METTL2B: variants seen among roughly 807,000 people sequenced by gnomAD.
METTL2B encodes the protein methyltransferase 2B, tRNA N3-cytidine.
Under a neutral mutation model 51.0 loss-of-function variants are expected in METTL2B, and 28 were observed. That is an observed-to-expected ratio of 0.55 (90% CI 0.41 to 0.75). The LOEUF is 0.75. Ranked by LOEUF, METTL2B falls within the 30% of genes least tolerant of loss-of-function variation. METTL2B has a pLI of 0.00. For missense variants in METTL2B, 313 were observed against 460.7 expected (o/e 0.68, Z 2.93); for synonymous variants, 128 against 166.3 (o/e 0.77, Z 1.77).
rs1313427374 is a variant in METTL2B at position 128,504,075 on chromosome 7, G to A, written c.*2159G>A. The A allele has an allele frequency of 6.6e-6, 1 of 152,140 alleles. No homozygotes were observed. The highest frequency in any genetic ancestry group is 2.4e-5 in the African/African-American group (1 of 41,424). The allele number at this position is 152,140 out of a possible 1,614,324, so 9.4% of individuals were successfully genotyped here. A position where few individuals can be genotyped will look rare whatever the true frequency, so the allele number is the denominator to read the frequency against. On this transcript the variant is annotated 3_prime_UTR_variant, in exon 9 of 9. Transcript: ENST00000262432. ...AATAATAAATTTATATAGGAATACT[G>A]CAAGAATAGTCCATTTTTTTCTGAT... is the stretch of plus-strand genomic sequence containing the variant.
At chr7:128,489,343 G>T (rs1792781028) in intron 5 of METTL2B, among the ~76,000 whole-genome samples, 1 of 151,526 alleles carries the variant, frequency 6.6e-6, no homozygotes, top group Admixed American at 6.6e-5. Context: ...GGCTGAAGCA[G>T]GAGAATTGCT....
rs1297101344 is a variant in METTL2B at position 128,499,517 on chromosome 7, CT to C, written c.917-1367del. ...AGCCACTGTGCCCAGTATTAACAGC[CT>C]TTTTTTTTTTTTTTTTTTGAGACGG... On this transcript the variant is annotated intron_variant, in intron 7 of 8. Coordinates refer to ENST00000262432, the MANE Select transcript of METTL2B (RefSeq NM_018396.3). 6.5e-3 allele frequency among the ~76,000 whole-genome samples: 785 copies of C among 119,898 alleles called. 4 individuals carry two copies. Among genetic ancestry groups the C allele is most frequent in the African/African-American group, 0.022 (678 of 31,162 alleles). 78.7% of individuals were successfully genotyped at this position (119,898 alleles called of 152,430 possible). A position where few individuals can be genotyped will look rare whatever the true frequency, so the allele number is the denominator to read the frequency against.
At chr7:128,497,628 G>T (rs374031843) in intron 6 of METTL2B, among the ~76,000 whole-genome samples, 2 of 152,104 alleles carry the variant, frequency 1.3e-5, no homozygotes, top group African/African-American at 2.4e-5. Flanking sequence ...GATTATAGAC[G>T]CATGCCACCA....
chr7:128,484,232 T>TTTTTTTTTTTTTTTTTTTTTTTTTG (rs1563027693), intron 4 of METTL2B: 9 of 83,570 alleles, frequency 1.1e-4, no homozygotes, highest in Non-Finnish European at 1.6e-4. Context: ...TTTTTTTTTT[T>TTTTTTTTTTTTTTTTTTTTTTTTTG]TTTTTTTTTT....
At position 128,504,054 on chromosome 7, in the gene METTL2B, A is replaced by T. The variant is rs942118198; in HGVS notation, c.*2138A>T. ...TGATGTTTTTCTAAATTTTGGAATA[A>T]TAAATTTATATAGGAATACTGCAAG... On this transcript the variant is annotated 3_prime_UTR_variant, in exon 9 of 9. Coordinates refer to ENST00000262432, the MANE Select transcript of METTL2B (RefSeq NM_018396.3). The T allele has an allele frequency of 6.6e-6, 1 of 152,198 alleles. No individual in the cohort carries two copies. Among genetic ancestry groups the T allele is most frequent in the Non-Finnish European group, 1.5e-5 (1 of 68,032 alleles). 9.4% of individuals were successfully genotyped at this position (152,198 alleles called of 1,614,324 possible). A position where few individuals can be genotyped will look rare whatever the true frequency, so the allele number is the denominator to read the frequency against.
intron 3 of METTL2B, among the ~76,000 whole-genome samples, chr7:128,480,174 G>C (rs1403511230): frequency 6.6e-6 from 1 of 152,184 alleles, no homozygotes; most frequent in Non-Finnish European, 1.5e-5. Flanking sequence ...TGGAGATAAT[G>C]TATGTAAAAG....
chr7:128,484,370 G>A (rs1331152032), intron 4 of METTL2B, among the ~76,000 whole-genome samples: 4 of 151,302 alleles, frequency 2.6e-5, no homozygotes, highest in Non-Finnish European at 4.4e-5. Flanking sequence ...GACAACAGGC[G>A]TGTGCCACCA....
chr7:128,477,079 C>A lies in METTL2B; in HGVS notation c.111-3C>A. Reference sequence around the variant, plus strand: ...CCCTAAGCTGCCCGTTTGATTTTCTCAGGGACAATGTGGAGTGGTCGGAAG... The same window carrying A: ...CCCTAAGCTGCCCGTTTGATTTTCTAAGGGACAATGTGGAGTGGTCGGAAG... On this transcript the variant is annotated splice_region_variant and splice_polypyrimidine_tract_variant and intron_variant, in intron 1 of 8. Coordinates refer to ENST00000262432, the MANE Select transcript of METTL2B (RefSeq NM_018396.3). 2 of 1,614,156 alleles carry A rather than the reference C, an allele frequency of 1.2e-6. No homozygotes were observed.
intron 4 of METTL2B, chr7:128,483,480 C>T (rs1395101111): frequency 6.6e-6 from 1 of 152,498 alleles, no homozygotes; most frequent in Non-Finnish European, 1.5e-5. Context: ...CTATTTCCTT[C>T]CTTCCTCACA....
At chr7:128,483,171 A>G (rs1044164587) in intron 4 of METTL2B, 1 of 152,206 alleles carries the variant, frequency 6.6e-6, no homozygotes, top group Non-Finnish European at 1.5e-5. Flanking sequence ...AATATCATCA[A>G]TGAATGTAAA....
intron 6 of METTL2B, among the ~76,000 whole-genome samples, chr7:128,497,042 T>C (rs537636083): frequency 3.1e-4 from 47 of 152,086 alleles, no homozygotes; most frequent in Non-Finnish European, 5.7e-4. Flanking sequence ...CTTAGCCATT[T>C]TTCTGTTTTT....
rs66738177 is a variant in METTL2B, at chr7:128,504,350, CTTTTTTTTT to C, written c.*2445_*2453del. On this transcript the variant is annotated 3_prime_UTR_variant, in exon 9 of 9. Coordinates refer to ENST00000262432, the MANE Select transcript of METTL2B (RefSeq NM_018396.3). ...GCTGGGTAATGTAGCAAGACCCTGACTTTTTTTTTTTTTTTTTTTGAGATGGAGTTTCGC... is the reference window on the plus strand; with the variant it reads ...GCTGGGTAATGTAGCAAGACCCTGACTTTTTTTTTTGAGATGGAGTTTCGC... The C allele has an allele frequency of 7.7e-4, 83 of 108,458 alleles. 1 individual carries two copies. Among genetic ancestry groups the C allele is most frequent in the Non-Finnish European group, 1.3e-3 (71 of 55,076 alleles). The allele number at this position is 108,458 out of a possible 1,614,324, so 6.7% of individuals were successfully genotyped here.
At chr7:128,491,582 G>A (rs1433210197) in intron 5 of METTL2B, among the ~76,000 whole-genome samples, 3 of 146,744 alleles carry the variant, frequency 2.0e-5, no homozygotes, top group South Asian at 2.2e-4. Context: ...CTACAAGAGC[G>A]AAACTCTATC....
chr7:128,485,787 A>G (rs2116849665), intron 4 of METTL2B, among the ~76,000 whole-genome samples: 1 of 152,326 alleles, frequency 6.6e-6, no homozygotes, highest in South Asian at 2.1e-4. Context: ...ACTGTACTCC[A>G]GGTGACAGAG....
rs140700620 is a variant in METTL2B, at chr7:128,501,817, G to A, written c.1038G>A (p.Val346=). Residue 346 remains valine, a synonymous_variant, in exon 9 of 9, where the codon GTG becomes GTA. Transcript: ENST00000262432. ...TAGLEKVQNL[V]DRRLQVNRGK... is the part of the protein sequence containing the mutation. ...GACTGGAAAAAGTTCAGAATCTGGTGGACCGCCGACTGCAGGTGAACCGAG... is the reference window on the plus strand; with the variant it reads ...GACTGGAAAAAGTTCAGAATCTGGTAGACCGCCGACTGCAGGTGAACCGAG... 2 of 1,614,082 alleles carry A rather than the reference G, an allele frequency of 1.2e-6. No homozygotes were observed. The highest frequency in any genetic ancestry group is 1.3e-5 in the African/African-American group (1 of 74,916).
At chr7:128,497,573 C>T (rs1792946397) in intron 6 of METTL2B, among the ~76,000 whole-genome samples, 1 of 152,200 alleles carries the variant, frequency 6.6e-6, no homozygotes, top group African/African-American at 2.4e-5. Context: ...ACCTCCACCT[C>T]CCAGGTTCCA....
chr7:128,494,149 G>A (rs1265354353), intron 6 of METTL2B, among the ~76,000 whole-genome samples: 1 of 152,076 alleles, frequency 6.6e-6, no homozygotes, highest in Non-Finnish European at 1.5e-5. Context: ...CGTGCCACCA[G>A]TCCTGGCTAA....
chr7:128,477,487 T>C (rs984986131), intron 2 of METTL2B, among the ~76,000 whole-genome samples: 1 of 152,152 alleles, frequency 6.6e-6, no homozygotes, highest in Admixed American at 6.6e-5. Flanking sequence ...GCGATCATCT[T>C]AGAACCTGTA....
chr7:128,492,410 G>A (rs544992730), intron 5 of METTL2B, among the ~76,000 whole-genome samples: 6 of 151,702 alleles, frequency 4.0e-5, no homozygotes, highest in Non-Finnish European at 8.8e-5. Context: ...CGCCCACCTC[G>A]ACCTCCCAAA....
Sources: gnomAD v4.1 joint callset for allele counts (sites outside exome capture counted in the v4.1 genomes callset) on GRCh38, gnomAD v4.1.1 for gene constraint, MANE v1.5 for transcripts, NCBI Gene and HGNC (gene_info 2026-07-23, HGNC 2026-07-21) for gene names.